Variants in IGF1R observed in about 807,000 individuals in gnomAD.
IGF1R encodes the protein insulin-like growth factor 1 receptor.
IGF1R carries 44 observed loss-of-function variants against 144.6 expected under a neutral mutation model. That is an observed-to-expected ratio of 0.30 (90% CI 0.24 to 0.39). IGF1R has a LOEUF of 0.39. Among genes scored for constraint, IGF1R ranks in the 10% least tolerant of loss-of-function variants. The pLI, the probability that IGF1R is intolerant of heterozygous loss-of-function variation, is 1.00. For synonymous variants in IGF1R, 795 were observed against 722.8 expected (o/e 1.10, Z -1.60); for missense variants, 1,355 against 1,833.7 (o/e 0.74, Z 4.77).
intron 2 of IGF1R, among the ~76,000 whole-genome samples, chr15:98,760,108 G>A (rs1196095251): frequency 2.6e-5 from 4 of 151,978 alleles, no homozygotes; most frequent in Admixed American, 1.3e-4. Context: ...GGGAGGCCAC[G>A]GTGAGTGGAT....
Position 98,727,793 on chromosome 15 carries a change from C to T in IGF1R, c.640+19686C>T, listed in dbSNP as rs566931533. ...TCCTGTGGGCTTAGTCACTGTGTGG[C>T]GGCGGCAGAAGGACTGGGGAAACCG... On this transcript the variant is annotated intron_variant, in intron 2 of 20. Transcript: ENST00000650285. 8.5e-5 allele frequency among the ~76,000 whole-genome samples: 13 copies of T among 152,234 alleles called. No homozygotes were observed. In the South Asian group the frequency reaches 1.9e-3, roughly 22 times the overall value.
chr15:98,886,585 A>C (rs2141644713), intron 2 of IGF1R, among the ~76,000 whole-genome samples: 1 of 152,292 alleles, frequency 6.6e-6, no homozygotes, highest in Non-Finnish European at 1.5e-5. Context: ...CAGTGTGTTT[A>C]TTCATGGAAG....
intron 19 of IGF1R, among the ~76,000 whole-genome samples, chr15:98,943,341 G>A (rs533675919): frequency 7.2e-5 from 11 of 152,340 alleles, no homozygotes; most frequent in South Asian, 2.1e-4. Context: ...GCCAGAAGCC[G>A]TCACCTCTTT....
chr15:98,908,419 G>C (rs45584733), intron 5 of IGF1R, among the ~76,000 whole-genome samples: 3 of 152,140 alleles, frequency 2.0e-5, no homozygotes, highest in Non-Finnish European at 4.4e-5. Context: ...AACATCCTCT[G>C]GTACAAGAAG....
intron 4 of IGF1R, among the ~76,000 whole-genome samples, chr15:98,897,911 C>T (rs2014284677): frequency 6.8e-6 from 1 of 147,204 alleles, no homozygotes; most frequent in African/African-American, 2.5e-5. Context: ...GGGGGGAATC[C>T]TTTTATGAAG....
At chr15:98,821,208 TA>T (rs1344979480) in intron 2 of IGF1R, among the ~76,000 whole-genome samples, 1 of 152,146 alleles carries the variant, frequency 6.6e-6, no homozygotes, top group Non-Finnish European at 1.5e-5. Context: ...TACATTGCGC[TA>T]AATGGCCTGT....
At chr15:98,654,766 A>G (rs925491420) in intron 1 of IGF1R, among the ~76,000 whole-genome samples, 2 of 152,056 alleles carry the variant, frequency 1.3e-5, no homozygotes, top group African/African-American at 2.4e-5. Context: ...ATTGTACTAA[A>G]TATATAATAG....
At chr15:98,924,454 G>C in intron 12 of IGF1R, 71 bp from the exon 13 acceptor site, 1 of 1,456,630 alleles carries the variant, frequency 6.9e-7, no homozygotes, top group Non-Finnish European at 9.6e-7. Flanking sequence ...CCAGTGTGGT[G>C]AGTTTAGTTG....
chr15:98,721,077 G>A (rs1308877813), intron 2 of IGF1R, among the ~76,000 whole-genome samples: 1 of 152,208 alleles, frequency 6.6e-6, no homozygotes, highest in Non-Finnish European at 1.5e-5. Context: ...GGTTTGGTGT[G>A]CATGCATGGT....
intron 1 of IGF1R, among the ~76,000 whole-genome samples, chr15:98,695,225 G>A (rs2053569281): frequency 6.6e-6 from 1 of 152,120 alleles, no homozygotes; most frequent in Non-Finnish European, 1.5e-5. Context: ...CTTTACATGT[G>A]GGTTATGAGA....
chr15:98,753,486 G>T (rs1051003902), intron 2 of IGF1R, among the ~76,000 whole-genome samples: 1 of 148,668 alleles, frequency 6.7e-6, no homozygotes, highest in African/African-American at 2.5e-5. Flanking sequence ...ACCTGCCTTG[G>T]CTTCTCAAAG....
rs934360344 is a variant in IGF1R, at chr15:98,960,895, G to T, written c.*3453G>T. The T allele has an allele frequency of 4.3e-6, 1 of 233,464 alleles. No homozygotes were observed. Among genetic ancestry groups the T allele is most frequent in the East Asian group, 6.0e-5 (1 of 16,536 alleles). 14.5% of individuals were successfully genotyped at this position (233,464 alleles called of 1,614,324 possible). ...AGCCCAGTGGCCGGCGCCGAGGCTC[G>T]TGGCGTCACGCCCCCCCCGCCAGGG... On this transcript the variant is annotated 3_prime_UTR_variant, in exon 21 of 21. Transcript: ENST00000650285.
intron 2 of IGF1R, among the ~76,000 whole-genome samples, chr15:98,838,391 A>G (rs537853787): frequency 2.0e-5 from 3 of 152,352 alleles, no homozygotes; most frequent in African/African-American, 7.2e-5. Context: ...AGGCATTACA[A>G]TTGAAAATGC....
intron 2 of IGF1R, among the ~76,000 whole-genome samples, chr15:98,756,448 GT>G (rs1463758071): frequency 2.6e-5 from 4 of 151,872 alleles, no homozygotes; most frequent in Non-Finnish European, 5.9e-5. Context: ...TACAATTTGA[GT>G]TTATCGCACA....
At chr15:98,754,387 C>T (rs1212262693) in intron 2 of IGF1R, among the ~76,000 whole-genome samples, 3 of 152,158 alleles carry the variant, frequency 2.0e-5, no homozygotes, top group African/African-American at 7.2e-5. Context: ...CAGGAAATCC[C>T]CTGCTCCTGC....
rs1447211956 is a variant in IGF1R, at chr15:98,959,839, A to C, written c.*2397A>C. 2.8e-5 allele frequency: 6 copies of C among 214,384 alleles called. No homozygotes were observed. Among genetic ancestry groups the C allele is most frequent in the Admixed American group, 2.7e-4 (4 of 14,898 alleles). 13.3% of individuals were successfully genotyped at this position (214,384 alleles called of 1,614,324 possible). The stretch of plus-strand genomic sequence containing the variant: ...CACTGCTTTCTCTAGTCTCTATCCC[A>C]TAGCGTGTTCCCTTTAAAAAAAAAA... On this transcript the variant is annotated 3_prime_UTR_variant, in exon 21 of 21. Coordinates refer to ENST00000650285, the MANE Select transcript of IGF1R (RefSeq NM_000875.5).
intron 20 of IGF1R, among the ~76,000 whole-genome samples, chr15:98,952,514 G>A (rs1215342099): frequency 2.0e-5 from 3 of 152,188 alleles, no homozygotes; most frequent in East Asian, 1.9e-4. Context: ...TAGAACTGGT[G>A]GTATTTTAGC....
chr15:98,901,412 C>G (rs2014476696), intron 5 of IGF1R, among the ~76,000 whole-genome samples: 2 of 152,202 alleles, frequency 1.3e-5, no homozygotes, highest in African/African-American at 4.8e-5. Context: ...TTCTCTCACC[C>G]TGTCTTCCTG....
chr15:98,961,084 C>A lies in IGF1R; in HGVS notation c.*3642C>A. The A allele has an allele frequency of 4.3e-6, 1 of 233,572 alleles. No homozygotes were observed. 14.5% of individuals were successfully genotyped at this position (233,572 alleles called of 1,614,324 possible). ...GGCAATTCCAGCCTAAGTGAAGGCG[C>A]TCAGGAGCCTCCTGCTGGAACGCGA... On this transcript the variant is annotated 3_prime_UTR_variant, in exon 21 of 21. Coordinates refer to ENST00000650285, the MANE Select transcript of IGF1R (RefSeq NM_000875.5).
Sources: gnomAD v4.1 joint callset for allele counts (sites outside exome capture counted in the v4.1 genomes callset) on GRCh38, gnomAD v4.1.1 for gene constraint, MANE v1.5 for transcripts, NCBI Gene and HGNC (gene_info 2026-07-23, HGNC 2026-07-21) for gene names.